Variants in ATG10 observed in about 807,000 individuals in gnomAD.
ATG10 encodes ubiquitin-like-conjugating enzyme ATG10.
ATG10 carries 30 observed loss-of-function variants against 32.1 expected under a neutral mutation model. That is an observed-to-expected ratio of 0.94 (90% CI 0.70 to 1.27). ATG10 has a LOEUF of 1.27. Ranked by LOEUF, ATG10 falls within the 50% of genes most tolerant of loss-of-function variation. The probability of loss-of-function intolerance (pLI) is 0.00; values close to 1 mark genes in which losing one functional copy is unlikely to be tolerated. For missense variants in ATG10, 233 were observed against 262.3 expected (o/e 0.89, Z 0.77); for synonymous variants, 87 against 91.5 (o/e 0.95, Z 0.28).
At chr5:82,104,359 G>T (rs1206365917) in intron 3 of ATG10, among the ~76,000 whole-genome samples, 1 of 151,948 alleles carries the variant, frequency 6.6e-6, no homozygotes, top group Non-Finnish European at 1.5e-5. Flanking sequence ...AATGAAGTAG[G>T]TGAACTCCAT....
At chr5:81,976,117 C>G (rs1275314311) in intron 1 of ATG10, 1 of 151,406 alleles carries the variant, frequency 6.6e-6, no homozygotes, top group African/African-American at 2.4e-5. Flanking sequence ...TCTCCTGCCT[C>G]AGCCTCCCGA....
intron 2 of ATG10, among the ~76,000 whole-genome samples, chr5:82,031,799 T>A (rs1345778399): frequency 6.6e-6 from 1 of 152,266 alleles, no homozygotes; most frequent in African/African-American, 2.4e-5. Flanking sequence ...TGTGTCCTGC[T>A]GATGATACCT....
chr5:82,139,351 A>T (rs970159312), intron 3 of ATG10, among the ~76,000 whole-genome samples: 4 of 147,620 alleles, frequency 2.7e-5, no homozygotes, highest in African/African-American at 1.0e-4. Context: ...CAGTCTGGAA[A>T]GTGAGGAGCG....
rs1745663462 is a variant in ATG10, at chr5:82,215,975, T to C, written c.454-36587T>C. Among the ~76,000 whole-genome samples the C allele has an allele frequency of 2.0e-5, 3 of 150,964 alleles. No homozygotes were observed. The South Asian group carries it at 6.3e-4, about 32-fold the overall frequency. ...ATCCAATTTGTTACATTGTAATAAA[T>C]AATGACCTTCTGAGAATTCAAAGAC... On this transcript the variant is annotated intron_variant, in intron 5 of 7. Coordinates refer to ENST00000282185, the MANE Select transcript of ATG10 (RefSeq NM_031482.5).
intron 1 of ATG10, among the ~76,000 whole-genome samples, chr5:81,984,270 T>C (rs904323056): frequency 7.2e-5 from 11 of 152,222 alleles, no homozygotes; most frequent in African/African-American, 2.6e-4. Context: ...ACCAAAAAAA[T>C]ACGAAAACCA....
At chr5:82,203,561 T>C (rs1745161185) in intron 5 of ATG10, among the ~76,000 whole-genome samples, 1 of 152,236 alleles carries the variant, frequency 6.6e-6, no homozygotes, top group Non-Finnish European at 1.5e-5. Context: ...CTAGAAGTCT[T>C]GTGTCCTTAT....
intron 5 of ATG10, among the ~76,000 whole-genome samples, chr5:82,231,243 A>G (rs536839157): frequency 6.6e-6 from 1 of 152,358 alleles, no homozygotes; most frequent in African/African-American, 2.4e-5. Context: ...TAAAAACACA[A>G]TTCTTAAAAT....
Position 82,070,080 on chromosome 5 carries a change from A to T in ATG10, c.216+11478A>T, listed in dbSNP as rs79463632. On this transcript the variant is annotated intron_variant, in intron 3 of 7. Coordinates refer to ENST00000282185, the MANE Select transcript of ATG10 (RefSeq NM_031482.5). ...GCTTCATGCAGTTCAAGCTAACCTC[A>T]TAGGAGCCTTAGGATAGAGATTACA... Among the ~76,000 whole-genome samples, 3 of 152,350 alleles carry T rather than the reference A, an allele frequency of 2.0e-5. No individual in the cohort carries two copies. The East Asian group carries it at 5.8e-4, about 29-fold the overall frequency.
intron 2 of ATG10, among the ~76,000 whole-genome samples, chr5:82,033,059 G>T (rs1410377155): frequency 6.6e-6 from 1 of 152,016 alleles, no homozygotes; most frequent in Non-Finnish European, 1.5e-5. Context: ...TAATATTTAA[G>T]AAGTCATTCT....
chr5:82,196,322 T>C (rs1020745447), intron 5 of ATG10, among the ~76,000 whole-genome samples: 14 of 152,180 alleles, frequency 9.2e-5, no homozygotes, highest in African/African-American at 3.4e-4. Flanking sequence ...TTTCTCCCAT[T>C]CCATTGGTTG....
chr5:82,026,351 G>C (rs575996844), intron 2 of ATG10, among the ~76,000 whole-genome samples: 1 of 152,032 alleles, frequency 6.6e-6, no homozygotes, highest in African/African-American at 2.4e-5. Flanking sequence ...TTGTATATAC[G>C]TGCCGCATTT....
At chr5:82,138,039 C>G (rs541475579) in intron 3 of ATG10, among the ~76,000 whole-genome samples, 3 of 152,286 alleles carry the variant, frequency 2.0e-5, no homozygotes, top group African/African-American at 7.2e-5. Context: ...GGGAAAATCA[C>G]CTAGTCAAGA....
intron 1 of ATG10, among the ~76,000 whole-genome samples, chr5:81,974,761 G>A (rs894401451): frequency 1.3e-5 from 2 of 152,156 alleles, no homozygotes; most frequent in Non-Finnish European, 2.9e-5. Context: ...GACTAAAGGC[G>A]AGAGCTATGT....
intron 3 of ATG10, among the ~76,000 whole-genome samples, chr5:82,127,340 G>T (rs964723462): frequency 3.3e-5 from 5 of 152,088 alleles, no homozygotes; most frequent in South Asian, 4.2e-4. Context: ...GAATTTGTAT[G>T]TCCTTGCTCC....
chr5:82,187,569 A>G (rs796775720), intron 5 of ATG10, among the ~76,000 whole-genome samples: 9 of 150,460 alleles, frequency 6.0e-5, no homozygotes, highest in African/African-American at 2.2e-4. Context: ...ATCTTTCACT[A>G]AGTAATTTAT....
intron 5 of ATG10, among the ~76,000 whole-genome samples, chr5:82,205,807 G>A (rs1253158438): frequency 7.9e-5 from 12 of 152,186 alleles, no homozygotes; most frequent in Admixed American, 2.6e-4. Flanking sequence ...CTTAAGCAGT[G>A]CAACTTTGAT....
intron 3 of ATG10, among the ~76,000 whole-genome samples, chr5:82,136,363 C>T (rs1434381189): frequency 2.6e-5 from 4 of 152,168 alleles, no homozygotes; most frequent in Admixed American, 2.6e-4. Flanking sequence ...GTGGCTGGTA[C>T]TGGTTTTTCC....
At chr5:82,160,023 T>A (rs1428459072) in intron 3 of ATG10, among the ~76,000 whole-genome samples, 1 of 152,154 alleles carries the variant, frequency 6.6e-6, no homozygotes, top group Non-Finnish European at 1.5e-5. Context: ...TATTCAGATT[T>A]CCCCAGTTTT....
At chr5:82,174,968 G>A (rs965005781) in intron 4 of ATG10, among the ~76,000 whole-genome samples, 1 of 152,142 alleles carries the variant, frequency 6.6e-6, no homozygotes, top group African/African-American at 2.4e-5. Context: ...AAGGGGGTTA[G>A]ATTTTGGAAG....
Sources: allele counts gnomAD v4.1 joint callset (sites outside exome capture counted in the v4.1 genomes callset), GRCh38; gene constraint gnomAD v4.1.1; transcripts MANE v1.5; gene names NCBI Gene and HGNC (gene_info 2026-07-23, HGNC 2026-07-21).